The following ZNRF1 variants were observed in gnomAD, a reference collection of about 807,000 sequenced individuals.
ZNRF1 encodes zinc and ring finger 1.
ZNRF1 carries 3 observed loss-of-function variants against 18.4 expected under a neutral mutation model. The ratio of observed to expected loss-of-function variants is 0.16; its 90% CI spans 0.07 to 0.42. The LOEUF (loss-of-function observed/expected upper bound fraction) is 0.42, where lower values mean the gene tolerates loss of function less well. Ranked by LOEUF, ZNRF1 falls within the 10% of genes least tolerant of loss-of-function variation. The probability of loss-of-function intolerance (pLI) is 0.99; values close to 1 mark genes in which losing one functional copy is unlikely to be tolerated. For synonymous variants in ZNRF1, 157 were observed against 144.2 expected (o/e 1.09, Z -0.64); for missense variants, 310 against 329.8 (o/e 0.94, Z 0.47).
At chr16:75,064,068 G>A (rs542404308) in intron 1 of ZNRF1, among the ~76,000 whole-genome samples, 1 of 152,282 alleles carries the variant, frequency 6.6e-6, no homozygotes. Context: ...GGAGGCTGAG[G>A]CAGGCGGATC....
intron 1 of ZNRF1, among the ~76,000 whole-genome samples, chr16:75,035,287 G>T (rs142613713): frequency 2.9e-4 from 44 of 152,320 alleles, no homozygotes; most frequent in Admixed American, 1.2e-3. Context: ...TCCTGTCTCA[G>T]CCTCCCAAAG....
chr16:75,000,262 AG>A, intron 1 of ZNRF1, 167 bp downstream of exon 1: 2 of 1,057,306 alleles, frequency 1.9e-6, no homozygotes, highest in Non-Finnish European at 2.8e-6. Flanking sequence ...TCTGGAAACT[AG>A]GCTTTCTGCG....
intron 4 of ZNRF1, chr16:75,107,359 T>G: frequency 9.6e-6 from 2 of 207,284 alleles, no homozygotes; most frequent in East Asian, 1.6e-4. Context: ...CAGCCAAAGG[T>G]TTTGGGACCT....
intron 2 of ZNRF1, chr16:75,095,877 C>A: frequency 2.3e-6 from 2 of 866,228 alleles, no homozygotes; most frequent in Non-Finnish European, 3.2e-6. Flanking sequence ...CCACCACCGG[C>A]AGCCTCACCC....
intron 1 of ZNRF1, among the ~76,000 whole-genome samples, chr16:75,083,017 A>G (rs890967195): frequency 9.2e-5 from 14 of 152,224 alleles, no homozygotes. Context: ...TAAAATTATA[A>G]ATATCTGTGG....
chr16:75,029,506 C>G (rs966730018), intron 1 of ZNRF1, among the ~76,000 whole-genome samples: 5 of 152,184 alleles, frequency 3.3e-5, no homozygotes, highest in African/African-American at 9.6e-5. Context: ...GTGGCTCACA[C>G]TTATAATCCC....
intron 1 of ZNRF1, among the ~76,000 whole-genome samples, chr16:75,007,994 A>G (rs2034944565): frequency 6.6e-6 from 1 of 152,166 alleles, no homozygotes; most frequent in Non-Finnish European, 1.5e-5. Flanking sequence ...CCTCTGGAGT[A>G]TCTGGGACTA....
At chr16:75,107,557 C>A in intron 4 of ZNRF1, 176 bp from the exon 5 acceptor site, 1 of 363,384 alleles carries the variant, frequency 2.8e-6, no homozygotes, top group Non-Finnish European at 5.5e-6. Context: ...GAGAGTGAGG[C>A]AGGGGAGTAG....
At chr16:75,035,740 T>C (rs995873277) in intron 1 of ZNRF1, among the ~76,000 whole-genome samples, 2 of 152,302 alleles carry the variant, frequency 1.3e-5, no homozygotes, top group Admixed American at 6.5e-5. Flanking sequence ...GGGTTGGCTG[T>C]CCGCATGCGC....
intron 1 of ZNRF1, among the ~76,000 whole-genome samples, chr16:75,053,763 A>G (rs2035635293): frequency 6.6e-6 from 1 of 152,110 alleles, no homozygotes; most frequent in Admixed American, 6.6e-5. Context: ...AAGCTCAGAA[A>G]ATGTCTTTTC....
At chr16:75,035,249 G>A (rs1044797293) in intron 1 of ZNRF1, among the ~76,000 whole-genome samples, 1 of 151,992 alleles carries the variant, frequency 6.6e-6, no homozygotes, top group African/African-American at 2.4e-5. Flanking sequence ...GCCTGGGCTG[G>A]TCTCCAACTC....
intron 1 of ZNRF1, among the ~76,000 whole-genome samples, chr16:75,015,744 C>T (rs1334417811): frequency 1.3e-5 from 2 of 151,958 alleles, no homozygotes; most frequent in African/African-American, 2.4e-5. Flanking sequence ...CCGCCATATC[C>T]GACTGATTCA....
At chr16:75,034,424 G>T (rs186746769) in intron 1 of ZNRF1, among the ~76,000 whole-genome samples, 1 of 152,082 alleles carries the variant, frequency 6.6e-6, no homozygotes, top group African/African-American at 2.4e-5. Flanking sequence ...TTCACTTAGC[G>T]TAACATTCTC....
intron 1 of ZNRF1, chr16:75,002,308 T>A (rs2034861992): frequency 6.6e-6 from 1 of 152,244 alleles, no homozygotes; most frequent in Admixed American, 6.5e-5. Flanking sequence ...TTCCAGGACA[T>A]CTGTTTCCTC....
At chr16:75,024,165 C>G (rs2035191372) in intron 1 of ZNRF1, among the ~76,000 whole-genome samples, 1 of 152,134 alleles carries the variant, frequency 6.6e-6, no homozygotes, top group East Asian at 1.9e-4. Context: ...CCACCGCACC[C>G]AGCCCAGAAT....
At chr16:75,103,640 T>A (rs1266131330) in intron 2 of ZNRF1, among the ~76,000 whole-genome samples, 1 of 152,158 alleles carries the variant, frequency 6.6e-6, no homozygotes. Context: ...GAAGATTTGT[T>A]AAGAGGATAG....
intron 1 of ZNRF1, among the ~76,000 whole-genome samples, chr16:75,019,252 C>G (rs1262789142): frequency 6.6e-6 from 1 of 151,810 alleles, no homozygotes; most frequent in African/African-American, 2.4e-5. Context: ...GTTGCTCAGG[C>G]TGGTCGTGAA....
intron 1 of ZNRF1, among the ~76,000 whole-genome samples, chr16:75,032,316 C>T (rs530364240): frequency 6.6e-6 from 1 of 151,106 alleles, no homozygotes; most frequent in African/African-American, 2.4e-5. Context: ...ACCATGTTGG[C>T]CAGGCTGGTC....
chr16:75,085,617 C>G (rs1450208133), intron 1 of ZNRF1, among the ~76,000 whole-genome samples: 2 of 152,126 alleles, frequency 1.3e-5, no homozygotes, highest in African/African-American at 4.8e-5. Flanking sequence ...GACCTTTCCC[C>G]AAAGTGGCTG....
Sources: gnomAD v4.1 joint callset for allele counts (sites outside exome capture counted in the v4.1 genomes callset) on GRCh38, gnomAD v4.1.1 for gene constraint, MANE v1.5 for transcripts, NCBI Gene and HGNC (gene_info 2026-07-23, HGNC 2026-07-21) for gene names.